The following DLGAP1 variants were observed in gnomAD, a reference collection of about 807,000 sequenced individuals.
The protein encoded by DLGAP1 is DLG associated protein 1, also known as disks large-associated protein 1.
In DLGAP1, 11 loss-of-function variants were observed where a neutral mutation model predicts 90.8. The ratio of observed to expected loss-of-function variants is 0.12; its 90% confidence interval spans 0.08 to 0.20. DLGAP1 has a LOEUF of 0.20. DLGAP1 is among the 10% of genes least tolerant of loss of function. The probability of loss-of-function intolerance (pLI) is 1.00; values close to 1 mark genes in which losing one functional copy is unlikely to be tolerated. For synonymous variants in DLGAP1, 558 were observed against 540.7 expected (o/e 1.03, Z -0.44); for missense variants, 1,050 against 1,333.8 (o/e 0.79, Z 3.31).
At position 3,672,380 on chromosome 18, in the gene DLGAP1, C is replaced by T. The variant is rs189942420; in HGVS notation, c.1591+56755G>A. ...ATCACCTGAGGTCAGGAGTTCGAGA[C>T]CAGCCTGGGCAATATGGAGAAACGT... On this transcript the variant is annotated intron_variant, in intron 7 of 12. Coordinates refer to ENST00000315677, the MANE Select transcript of DLGAP1 (RefSeq NM_004746.4). Among the ~76,000 whole-genome samples, 72 of 151,894 alleles carry T rather than the reference C, an allele frequency of 4.7e-4. 1 individual carries two copies. In the East Asian group the frequency reaches 0.013, roughly 28 times the overall value.
At chr18:3,898,711 T>C (rs2148876110) in intron 3 of DLGAP1, among the ~76,000 whole-genome samples, 1 of 152,336 alleles carries the variant, frequency 6.6e-6, no homozygotes, top group South Asian at 2.1e-4. Context: ...TTAACTTGAA[T>C]ATACCTTAAC....
chr18:3,931,183 C>T (rs955222179), intron 3 of DLGAP1, among the ~76,000 whole-genome samples: 4 of 152,176 alleles, frequency 2.6e-5, no homozygotes, highest in African/African-American at 4.8e-5. Flanking sequence ...AGCTTCTCGC[C>T]GGCATCTCAC....
chr18:3,558,659 CTCTG>C (rs1427992899), intron 9 of DLGAP1, among the ~76,000 whole-genome samples: 3 of 152,156 alleles, frequency 2.0e-5, no homozygotes, highest in East Asian at 1.9e-4. Context: ...CTGAAGTCTG[CTCTG>C]TCTGAGATTA....
rs1407965145 is a variant in DLGAP1, at chr18:3,507,687, T to TTTAGATCCA, written c.2571+874_2571+882dup. ...ACAAATTGCTTTTCATTTTCTTTGT[T>TTTAGATCCA]TTAGATCCAGCTTGACCAACAATTG... On this transcript the variant is annotated intron_variant, in intron 11 of 12. Coordinates refer to ENST00000315677, the MANE Select transcript of DLGAP1 (RefSeq NM_004746.4). Among the ~76,000 whole-genome samples, 5 of 152,098 alleles carry TTTAGATCCA rather than the reference T, an allele frequency of 3.3e-5. No homozygotes were observed. The East Asian group carries it at 9.6e-4, about 29-fold the overall frequency.
At chr18:3,600,916 A>G (rs1287429631) in intron 7 of DLGAP1, among the ~76,000 whole-genome samples, 2 of 53,574 alleles carry the variant, frequency 3.7e-5, no homozygotes, top group South Asian at 5.6e-4. Context: ...ATATAGATAG[A>G]TATAGATATA....
intron 7 of DLGAP1, among the ~76,000 whole-genome samples, chr18:3,587,050 T>A (rs2055928850): frequency 6.6e-6 from 1 of 152,202 alleles, no homozygotes; most frequent in African/African-American, 2.4e-5. Flanking sequence ...ATCTGATTTG[T>A]TTAAGAGTGA....
At position 3,985,728 on chromosome 18, in the gene DLGAP1, A is replaced by C. The variant is rs2073828585; in HGVS notation, c.-73+19388T>G. Among the ~76,000 whole-genome samples the C allele has an allele frequency of 2.0e-5, 3 of 152,224 alleles. No individual in the cohort carries two copies. In the South Asian group the frequency reaches 6.2e-4, roughly 32 times the overall value. On this transcript the variant is annotated intron_variant, in intron 3 of 12. Coordinates refer to ENST00000315677, the MANE Select transcript of DLGAP1 (RefSeq NM_004746.4). ...GTTATAGGGAAACTTCTTTCTTTTA[A>C]ATTTGTACAGGCTTGAAAAATAGTT...
chr18:4,187,645 A>C (rs774507381), intron 1 of DLGAP1, among the ~76,000 whole-genome samples: 19 of 152,104 alleles, frequency 1.2e-4, no homozygotes, highest in Non-Finnish European at 2.6e-4. Flanking sequence ...TTCTATGCAA[A>C]GTTATCTTAT....
chr18:4,453,629 T>C (rs566743435), intron 1 of DLGAP1, among the ~76,000 whole-genome samples: 10 of 152,330 alleles, frequency 6.6e-5, no homozygotes, highest in African/African-American at 2.4e-4. Context: ...GTTCTCAGCA[T>C]TTCTCATCTC....
At chr18:3,572,090 T>TA (rs1555684210) in intron 8 of DLGAP1, among the ~76,000 whole-genome samples, 5 of 105,742 alleles carry the variant, frequency 4.7e-5, no homozygotes, top group East Asian at 3.6e-4. Context: ...TTTTTTTTTT[T>TA]CTTTTGAGAC....
intron 3 of DLGAP1, among the ~76,000 whole-genome samples, chr18:3,963,696 T>C (rs557213282): frequency 4.4e-4 from 67 of 152,018 alleles, no homozygotes; most frequent in African/African-American, 1.6e-3. Flanking sequence ...TTGTTTCCAT[T>C]GCAAGTACCT....
intron 1 of DLGAP1, among the ~76,000 whole-genome samples, chr18:4,334,825 C>T (rs566240815): frequency 6.6e-6 from 1 of 151,954 alleles, no homozygotes; most frequent in South Asian, 2.1e-4. Context: ...TTGAGTTTGA[C>T]TTTATTTAAA....
chr18:4,199,975 T>C (rs2077577589), intron 1 of DLGAP1, among the ~76,000 whole-genome samples: 1 of 152,194 alleles, frequency 6.6e-6, no homozygotes. Flanking sequence ...GGTCTCATCA[T>C]CCAAATAGAA....
chr18:4,055,360 G>C (rs1043294456), intron 2 of DLGAP1, among the ~76,000 whole-genome samples: 5 of 152,162 alleles, frequency 3.3e-5, no homozygotes, highest in Non-Finnish European at 7.3e-5. Flanking sequence ...TGAGAGTTTG[G>C]TGTACAGATT....
At chr18:3,884,328 T>C (rs1005863369) in intron 3 of DLGAP1, among the ~76,000 whole-genome samples, 12 of 152,336 alleles carry the variant, frequency 7.9e-5, no homozygotes, top group Admixed American at 7.8e-4. Context: ...ATTAGGATTA[T>C]AGACACATAC....
chr18:4,039,117 T>G (rs1371422705), intron 2 of DLGAP1, among the ~76,000 whole-genome samples: 2 of 152,188 alleles, frequency 1.3e-5, no homozygotes, highest in East Asian at 3.8e-4. Flanking sequence ...GAAAAAAAAG[T>G]TCAGCTCAGC....
rs563804410 is a variant in DLGAP1, at chr18:3,669,718, T to A, written c.1591+59417A>T. On this transcript the variant is annotated intron_variant, in intron 7 of 12. Coordinates refer to ENST00000315677, the MANE Select transcript of DLGAP1 (RefSeq NM_004746.4). ...GCTTCCTCAATGGCTGAGAACTACT[T>A]CTACTCAGTAAAACTTTCCACTCAT... Among the ~76,000 whole-genome samples, 4 of 152,250 alleles carry A rather than the reference T, an allele frequency of 2.6e-5. No homozygotes were observed. The East Asian group carries it at 5.8e-4, about 22-fold the overall frequency.
intron 2 of DLGAP1, among the ~76,000 whole-genome samples, chr18:4,109,356 A>G (rs1351827516): frequency 2.0e-5 from 3 of 152,116 alleles, no homozygotes; most frequent in African/African-American, 4.8e-5. Context: ...ATATCTCCTC[A>G]TCTTCAGAGG....
chr18:4,373,055 C>T (rs1182468846), intron 1 of DLGAP1, among the ~76,000 whole-genome samples: 3 of 152,132 alleles, frequency 2.0e-5, no homozygotes, highest in Non-Finnish European at 4.4e-5. Context: ...GTCAACAAAG[C>T]TCCTAGAGTC....
Sources: allele counts gnomAD v4.1 joint callset (sites outside exome capture counted in the v4.1 genomes callset), GRCh38; gene constraint gnomAD v4.1.1; transcripts MANE v1.5; gene names NCBI Gene and HGNC (gene_info 2026-07-23, HGNC 2026-07-21).